Variants in CD2AP observed in about 807,000 individuals in gnomAD.
The protein encoded by CD2AP is CD2 associated protein, also known as CD2-associated protein.
CD2AP carries 46 observed loss-of-function variants against 85.1 expected under a neutral mutation model. The observed-to-expected ratio is 0.54, with a 90% CI of 0.43 to 0.69. The LOEUF (loss-of-function observed/expected upper bound fraction) is 0.69, where lower values mean the gene tolerates loss of function less well. Ranked by LOEUF, CD2AP falls within the 30% of genes least tolerant of loss-of-function variation. The pLI is 0.00. For missense variants in CD2AP, 769 were observed against 729.5 expected, an observed-to-expected ratio of 1.05 and a Z score of -0.62; for synonymous variants, 255 against 252.9, an observed-to-expected ratio of 1.01 and a Z score of -0.08.
At chr6:47,553,501 C>T (rs1230815240) in intron 4 of CD2AP, among the ~76,000 whole-genome samples, 1 of 149,098 alleles carries the variant, frequency 6.7e-6, no homozygotes, top group Non-Finnish European at 1.5e-5. Flanking sequence ...TGTGCACCAC[C>T]ACACCTAGTG....
At chr6:47,524,592 A>G (rs967532529) in intron 2 of CD2AP, among the ~76,000 whole-genome samples, 1 of 134,994 alleles carries the variant, frequency 7.4e-6, no homozygotes, top group Non-Finnish European at 1.6e-5. Context: ...GAATGAGTAA[A>G]GAGAAAAGTT....
intron 1 of CD2AP, among the ~76,000 whole-genome samples, chr6:47,499,066 G>A (rs1189173109): frequency 2.0e-5 from 3 of 152,052 alleles, no homozygotes; most frequent in Non-Finnish European, 4.4e-5. Context: ...CACTTCTGTG[G>A]GTCAGTTTGA....
intron 1 of CD2AP, among the ~76,000 whole-genome samples, chr6:47,485,809 C>T (rs1288654225): frequency 6.6e-6 from 1 of 152,048 alleles, no homozygotes; most frequent in Non-Finnish European, 1.5e-5. Flanking sequence ...GATACTTAAC[C>T]ATTGTGTTAC....
chr6:47,549,991 A>C (rs1263641344), intron 4 of CD2AP, among the ~76,000 whole-genome samples: 1 of 152,214 alleles, frequency 6.6e-6, no homozygotes, highest in Non-Finnish European at 1.5e-5. Flanking sequence ...TGGCACTGGA[A>C]TAATTGGCTA....
At chr6:47,588,366 C>T (rs192249079) in intron 11 of CD2AP, among the ~76,000 whole-genome samples, 15 of 152,168 alleles carry the variant, frequency 9.9e-5, no homozygotes, top group African/African-American at 2.2e-4. Flanking sequence ...TTCTCTAATG[C>T]GTTACACAAT....
At chr6:47,569,975 A>G (rs891546764) in intron 5 of CD2AP, among the ~76,000 whole-genome samples, 1 of 152,120 alleles carries the variant, frequency 6.6e-6, no homozygotes, top group Non-Finnish European at 1.5e-5. Flanking sequence ...TTCTATGTGT[A>G]CTTTTTAGGA....
chr6:47,601,749 T>G (rs1001723349), intron 13 of CD2AP, among the ~76,000 whole-genome samples: 2 of 152,018 alleles, frequency 1.3e-5, no homozygotes, highest in African/African-American at 4.8e-5. Context: ...TGTGTGAAAC[T>G]AGCCTTTTTA....
chr6:47,485,317 A>C (rs1289435345), intron 1 of CD2AP, among the ~76,000 whole-genome samples: 5 of 152,186 alleles, frequency 3.3e-5, no homozygotes, highest in African/African-American at 9.7e-5. Flanking sequence ...GATGGAAGAC[A>C]GTGATATTGA....
intron 14 of CD2AP, 64 bp from the exon 15 acceptor site, chr6:47,607,863 A>G (rs1769316150): frequency 5.5e-6 from 6 of 1,093,180 alleles, no homozygotes; most frequent in South Asian, 4.1e-5. Context: ...TTATTATCCA[A>G]AGACTTACTA....
At chr6:47,502,942 A>G (rs908392648) in intron 1 of CD2AP, among the ~76,000 whole-genome samples, 3 of 152,192 alleles carry the variant, frequency 2.0e-5, no homozygotes, top group Admixed American at 2.0e-4. Flanking sequence ...TTACATAAGG[A>G]CATGAATACG....
intron 1 of CD2AP, among the ~76,000 whole-genome samples, chr6:47,494,764 A>C (rs1373623978): frequency 6.6e-6 from 1 of 152,224 alleles, no homozygotes; most frequent in African/African-American, 2.4e-5. Context: ...CCAGCAAGTC[A>C]TCAAAATTAC....
At position 47,596,015 on chromosome 6, in the gene CD2AP, T is replaced by G. The variant is rs765090445; in HGVS notation, c.1263T>G (p.Pro421=). Residue 421 remains proline, a synonymous_variant, in exon 12 of 18, where the codon CCT becomes CCG. Transcript: ENST00000359314. ...KRPEKPVPPP[P]PIAKINGEVS... is the part of the protein sequence containing the mutation. ...CTGAAAAACCAGTTCCTCCACCACC[T>G]CCTATAGCCAAGTAAGTTTTACCTA... The G allele has an allele frequency of 1.2e-6, 2 of 1,611,524 alleles. No homozygotes were observed. The highest frequency in any genetic ancestry group is 1.7e-5 in the Admixed American group (1 of 59,886).
chr6:47,579,647 A>AAT (rs2114104767), intron 9 of CD2AP, 158 bp downstream of exon 9: 1 of 608,238 alleles, frequency 1.6e-6, no homozygotes, highest in African/African-American at 1.9e-5. Context: ...AGTAAAACAA[A>AAT]ATAATGTTTC....
chr6:47,583,982 T>C (rs940720521), intron 11 of CD2AP, among the ~76,000 whole-genome samples: 2 of 152,222 alleles, frequency 1.3e-5, no homozygotes, highest in South Asian at 2.1e-4. Context: ...TATTTTACTT[T>C]TGTTTTCAGT....
At chr6:47,624,135 TACTAA>T in intron 17 of CD2AP, 46 bp from the exon 18 acceptor site, 1 of 1,405,142 alleles carries the variant, frequency 7.1e-7, no homozygotes. Context: ...TAAAATAAAC[TACTAA>T]ACTAAGGATA....
At chr6:47,614,105 A>G (rs2894740) in intron 17 of CD2AP, among the ~76,000 whole-genome samples, 47,541 of 152,038 alleles carry the variant, frequency 0.31, 8,571 homozygotes, top group Middle Eastern at 0.51. Context: ...TATCTAGACC[A>G]CTCAAACTTT....
chr6:47,621,076 C>T (rs562795698), intron 17 of CD2AP, among the ~76,000 whole-genome samples: 1 of 152,240 alleles, frequency 6.6e-6, no homozygotes, highest in East Asian at 1.9e-4. Context: ...ACTTCCAGTA[C>T]TATGTTGAAG....
rs769883915 is a variant in CD2AP, at chr6:47,576,601, AGGTAT to A, written c.808+1_808+5del. On this transcript the variant is annotated splice_donor_variant and splice_donor_region_variant and coding_sequence_variant and intron_variant, in exon 7 of 18. Coordinates refer to ENST00000359314, the MANE Select transcript of CD2AP (RefSeq NM_012120.3). LOFTEE classifies it high-confidence loss of function. ...AAACAGATACCGAAGGTAAAATTAA[AGGTAT>A]GTTTTTGAATAAAGCTTTCATATTG... The A allele has an allele frequency of 1.9e-6, 3 of 1,602,206 alleles. No individual in the cohort carries two copies. Among genetic ancestry groups the A allele is most frequent in the Non-Finnish European group, 2.6e-6 (3 of 1,169,866 alleles).
At chr6:47,487,990 A>G (rs959093742) in intron 1 of CD2AP, among the ~76,000 whole-genome samples, 3 of 151,500 alleles carry the variant, frequency 2.0e-5, no homozygotes, top group African/African-American at 7.3e-5. Flanking sequence ...GATGTTGCCT[A>G]ATGAAATTAC....
Sources: gnomAD v4.1 joint callset for allele counts (sites outside exome capture counted in the v4.1 genomes callset) on GRCh38, gnomAD v4.1.1 for gene constraint, MANE v1.5 for transcripts, NCBI Gene and HGNC (gene_info 2026-07-23, HGNC 2026-07-21) for gene names.